NLRP5: variants seen among roughly 807,000 people sequenced by gnomAD.
NLRP5 encodes the protein NLR family pyrin domain containing 5, also known as NACHT, LRR and PYD domains-containing protein 5.
A neutral mutation model predicts 113.1 loss-of-function variants in NLRP5; 93 were observed. The observed-to-expected ratio is 0.82, with a 90% confidence interval of 0.70 to 0.98. The LOEUF is 0.98. NLRP5 is among the 50% of genes least tolerant of loss of function. The pLI is 0.00. For missense variants in NLRP5, 1,808 were observed against 1,514.3 expected, an observed-to-expected ratio of 1.19 and a Z score of -3.22; for synonymous variants, 751 against 600.7, an observed-to-expected ratio of 1.25 and a Z score of -3.66.
At chr19:56,025,902 G>C (rs934472714) in intron 6 of NLRP5, among the ~76,000 whole-genome samples, 1 of 151,876 alleles carries the variant, frequency 6.6e-6, no homozygotes, top group East Asian at 1.9e-4. Flanking sequence ...ACAAATACTT[G>C]ATTTCCCACA....
At chr19:56,042,136 G>C (rs1252966614) in intron 11 of NLRP5, among the ~76,000 whole-genome samples, 1 of 152,192 alleles carries the variant, frequency 6.6e-6, no homozygotes, top group Admixed American at 6.5e-5. Context: ...GACCAGGAAG[G>C]ACTGAGCACT....
chr19:56,049,366 A>C (rs1005190409), intron 11 of NLRP5, among the ~76,000 whole-genome samples: 5 of 152,030 alleles, frequency 3.3e-5, no homozygotes, highest in Admixed American at 1.3e-4. Context: ...TTTTTAGTAG[A>C]GATGGGGTTT....
upstream of NLRP5, among the ~76,000 whole-genome samples, chr19:55,997,722 G>C (rs745960155): frequency 6.6e-6 from 1 of 152,068 alleles, no homozygotes; most frequent in Non-Finnish European, 1.5e-5. Context: ...AAATAGCTGG[G>C]TGTGGTGGCT....
At chr19:56,058,445 C>T (rs1984239533) in intron 14 of NLRP5, 35 bp downstream of exon 14, 2 of 1,565,194 alleles carry the variant, frequency 1.3e-6, no homozygotes, top group African/African-American at 1.4e-5. Flanking sequence ...GAGATACAGA[C>T]CTGCTTCTGT....
At chr19:56,033,450 T>G in intron 8 of NLRP5, 92 bp from the exon 9 acceptor site, 2 of 980,076 alleles carry the variant, frequency 2.0e-6, no homozygotes, top group Non-Finnish European at 3.1e-6. Flanking sequence ...ATTAGAAATT[T>G]GCAAGTTAGA....
upstream of NLRP5, among the ~76,000 whole-genome samples, chr19:55,998,688 A>ATATGTGTGTG (rs1981439743): frequency 1.8e-4 from 9 of 50,292 alleles, no homozygotes; most frequent in South Asian, 2.6e-3. Context: ...ATATATATAT[A>ATATGTGTGTG]TATATATATA....
At chr19:56,057,407 T>G (rs962662663) in intron 13 of NLRP5, among the ~76,000 whole-genome samples, 13 of 152,126 alleles carry the variant, frequency 8.5e-5, no homozygotes, top group African/African-American at 3.1e-4. Flanking sequence ...ATGACCTAGG[T>G]GCCCAGCCTC....
upstream of NLRP5, among the ~76,000 whole-genome samples, chr19:55,999,388 G>T (rs1255990078): frequency 6.6e-6 from 1 of 151,702 alleles, no homozygotes; most frequent in South Asian, 2.1e-4. Flanking sequence ...CTAATTTTTT[G>T]TATTTTTAGT....
At chr19:56,002,366 C>T (rs541454923) in intron 1 of NLRP5, among the ~76,000 whole-genome samples, 11 of 152,082 alleles carry the variant, frequency 7.2e-5, no homozygotes, top group Admixed American at 6.6e-4. Flanking sequence ...GTTTATGGAA[C>T]CTGATGTTAA....
chr19:56,021,235 A>C (rs1447185704), intron 6 of NLRP5, among the ~76,000 whole-genome samples: 1 of 152,216 alleles, frequency 6.6e-6, no homozygotes, highest in Non-Finnish European at 1.5e-5. Context: ...AGATGAGTCT[A>C]AAGTGCTATA....
chr19:56,027,427 C>G lies in NLRP5; in HGVS notation c.1194C>G (p.Val398=), dbSNP rs757053502. The G allele has an allele frequency of 1.9e-6, 3 of 1,613,500 alleles. No homozygotes were observed. The highest frequency in any genetic ancestry group is 1.3e-5 in the African/African-American group (1 of 75,040). ...TCATACGCAGTCTGCTGAGGAAGGT[C>G]CTGCTCCCTGAGTCCTTCCTGATCG... Residue 398 remains valine (V), a synonymous_variant, in exon 7 of 15, where the codon GTC becomes GTG. Transcript: ENST00000390649.
chr19:55,999,057 A>C (rs979998080), upstream of NLRP5, among the ~76,000 whole-genome samples: 8 of 151,850 alleles, frequency 5.3e-5, no homozygotes, highest in African/African-American at 1.9e-4. Flanking sequence ...CATTTCTCTG[A>C]CTGAAACTTG....
the NLRP5 span, among the ~76,000 whole-genome samples, chr19:55,987,295 A>G: frequency 6.6e-6 from 1 of 152,226 alleles, no homozygotes; most frequent in African/African-American, 2.4e-5. Flanking sequence ...GCTTTAACCC[A>G]GGAGGCAGAG....
intron 14 of NLRP5, 71 bp downstream of exon 14, chr19:56,058,481 G>A: frequency 1.4e-6 from 2 of 1,405,706 alleles, no homozygotes; most frequent in Middle Eastern, 1.8e-4. Context: ...TGGTGGAGAA[G>A]CAGTTTATGG....
the NLRP5 span, among the ~76,000 whole-genome samples, chr19:55,991,045 C>T: frequency 2.6e-5 from 4 of 152,072 alleles, no homozygotes; most frequent in Non-Finnish European, 2.9e-5. Flanking sequence ...GAGCTGTTTA[C>T]GTAATGCATT....
intron 2 of NLRP5, 65 bp from the exon 3 acceptor site, chr19:56,008,723 A>G (rs1481053885): frequency 1.4e-6 from 2 of 1,414,376 alleles, no homozygotes; most frequent in African/African-American, 1.4e-5. Context: ...GGACATTCTT[A>G]TCCTTGGCTT....
At chr19:55,997,163 G>A (rs75876186), upstream of NLRP5, among the ~76,000 whole-genome samples, 41,863 of 151,684 alleles carry the variant, frequency 0.28, 5,913 homozygotes, top group African/African-American at 0.32. Flanking sequence ...CATATCCTTT[G>A]CCCACTTTTT....
At chr19:56,031,003 C>A (rs900269173) in intron 7 of NLRP5, among the ~76,000 whole-genome samples, 1 of 151,820 alleles carries the variant, frequency 6.6e-6, no homozygotes, top group South Asian at 2.1e-4. Context: ...TGAGCGACTG[C>A]GCCCGGCCTC....
At chr19:56,012,188 G>A (rs1458432186) in intron 3 of NLRP5, among the ~76,000 whole-genome samples, 8 of 150,530 alleles carry the variant, frequency 5.3e-5, no homozygotes, top group East Asian at 2.0e-4. Context: ...TCGCTCTGTC[G>A]CCCAGGCTGG....
Sources: gnomAD v4.1 joint callset for allele counts (sites outside exome capture counted in the v4.1 genomes callset) on GRCh38, gnomAD v4.1.1 for gene constraint, MANE v1.5 for transcripts, NCBI Gene and HGNC (gene_info 2026-07-23, HGNC 2026-07-21) for gene names.